EPB41: variants seen among roughly 807,000 people sequenced by gnomAD.
EPB41 encodes the protein erythrocyte membrane protein band 4.1, also known as protein 4.1.
EPB41 carries 65 observed loss-of-function variants against 108.0 expected under a neutral mutation model. The observed-to-expected ratio is 0.60, with a 90% CI of 0.49 to 0.74. The LOEUF is 0.74. EPB41 is among the 30% of genes least tolerant of loss of function. The pLI, the probability that EPB41 is intolerant of heterozygous loss-of-function variation, is 0.00. For synonymous variants in EPB41, 336 were observed against 358.9 expected (o/e 0.94, Z 0.72); for missense variants, 875 against 1,037.0 (o/e 0.84, Z 2.15).
At chr1:28,981,615 C>G (rs778324406) in intron 1 of EPB41, among the ~76,000 whole-genome samples, 7 of 152,154 alleles carry the variant, frequency 4.6e-5, no homozygotes, top group Non-Finnish European at 8.8e-5. Flanking sequence ...TTATTTTTTA[C>G]AATATGCTGT....
At chr1:28,981,372 A>G (rs1408782379) in intron 1 of EPB41, among the ~76,000 whole-genome samples, 1 of 150,888 alleles carries the variant, frequency 6.6e-6, no homozygotes, top group Non-Finnish European at 1.5e-5. Flanking sequence ...AGCACCATGT[A>G]TAAAATGAAT....
rs1246915775 is a variant in EPB41, at chr1:28,982,680, TTG to T, written c.-7-4749_-7-4748del. On this transcript the variant is annotated intron_variant, in intron 1 of 20. Transcript: ENST00000343067. ...TTTTTGATTGATCTTAAGACTTAGG[TTG>T]TTTGTCGTGGTATTTCAGATGACTG... is the stretch of plus-strand genomic sequence containing the variant. The T allele has an allele frequency of 4.2e-6, 3 of 706,318 alleles. No individual in the cohort carries two copies. In the East Asian group the frequency reaches 8.0e-5, roughly 19 times the overall value. The allele number at this position is 706,318 out of a possible 1,614,324, so 43.8% of individuals were successfully genotyped here.
chr1:28,983,316 A>G (rs1173278340), intron 1 of EPB41, among the ~76,000 whole-genome samples: 1 of 152,206 alleles, frequency 6.6e-6, no homozygotes, highest in Non-Finnish European at 1.5e-5. Flanking sequence ...TGCTCTTCAT[A>G]TTCCACTTGC....
chr1:28,997,384 G>A (rs894951783), intron 4 of EPB41, 65 bp downstream of exon 4: 7 of 986,082 alleles, frequency 7.1e-6, no homozygotes, highest in Non-Finnish European at 1.1e-5. Context: ...TTGTTGTTAA[G>A]AATGTATCTA....
chr1:29,049,565 G>A (rs1396856363), intron 11 of EPB41, among the ~76,000 whole-genome samples: 1 of 152,120 alleles, frequency 6.6e-6, no homozygotes, highest in African/African-American at 2.4e-5. Flanking sequence ...TGTATCAGAG[G>A]ACACAAATGA....
intron 1 of EPB41, among the ~76,000 whole-genome samples, chr1:28,939,370 G>GT (rs1305227283): frequency 6.6e-6 from 1 of 151,964 alleles, no homozygotes; most frequent in South Asian, 2.1e-4. Context: ...GTATGTAATT[G>GT]TTTTTTATAG....
intron 4 of EPB41, among the ~76,000 whole-genome samples, chr1:28,997,743 T>C (rs1056285495): frequency 6.6e-6 from 1 of 151,990 alleles, no homozygotes; most frequent in African/African-American, 2.4e-5. Flanking sequence ...TATATAATTA[T>C]AATTTGAAAG....
At chr1:28,977,113 A>G (rs1454320629) in intron 1 of EPB41, among the ~76,000 whole-genome samples, 1 of 152,156 alleles carries the variant, frequency 6.6e-6, no homozygotes, top group Non-Finnish European at 1.5e-5. Flanking sequence ...TTGGCCTCCC[A>G]AAGTGCTGGG....
chr1:28,981,686 T>C (rs1369572817), intron 1 of EPB41, among the ~76,000 whole-genome samples: 1 of 152,134 alleles, frequency 6.6e-6, no homozygotes, highest in Admixed American at 6.5e-5. Flanking sequence ...GTCAAGACTT[T>C]TAGAGAGTTC....
chr1:28,890,072 C>T (rs1255603873), intron 1 of EPB41, among the ~76,000 whole-genome samples: 1 of 151,918 alleles, frequency 6.6e-6, no homozygotes, highest in African/African-American at 2.4e-5. Context: ...GAGTCTCACT[C>T]TGTTGCCCAG....
intron 1 of EPB41, among the ~76,000 whole-genome samples, chr1:28,964,473 C>T (rs1419785515): frequency 4.6e-5 from 7 of 150,840 alleles, no homozygotes; most frequent in Non-Finnish European, 8.9e-5. Context: ...TGGTGGTGCA[C>T]GCTTGTAGTT....
intron 4 of EPB41, among the ~76,000 whole-genome samples, chr1:29,006,761 G>C (rs2096410789): frequency 1.3e-5 from 2 of 151,922 alleles, no homozygotes. Context: ...TTAGCCAGGT[G>C]TGGTGGTGAG....
At chr1:29,077,287 C>G (rs1287002966) in intron 16 of EPB41, among the ~76,000 whole-genome samples, 1 of 151,924 alleles carries the variant, frequency 6.6e-6, no homozygotes, top group African/African-American at 2.4e-5. Context: ...AAGCTCTTAT[C>G]CAGCTGGCCT....
chr1:28,887,357 C>T lies in EPB41; in HGVS notation c.-8+147C>T. 8.7e-7 allele frequency: 1 copy of T among 1,145,264 alleles called. No individual in the cohort carries two copies. The highest frequency in any genetic ancestry group is 1.1e-6 in the Non-Finnish European group (1 of 919,688). The allele number at this position is 1,145,264 out of a possible 1,614,324, so 70.9% of individuals were successfully genotyped here. On this transcript the variant is annotated intron_variant, in intron 1 of 16. Coordinates refer to the EPB41 transcript ENST00000347529. The surrounding 1 kb of genome is among the most constrained non-coding windows in gnomAD (Gnocchi z 4.9). ...CCAGGGCTGAGGGGTCCAGCGGTCC[C>T]GAATTCCAGAATCCGAACTTGGGGT...
chr1:29,015,750 A>T lies in EPB41; in HGVS notation c.888A>T (p.Leu296Phe), dbSNP rs764604472. 1.9e-6 allele frequency: 3 copies of T among 1,600,982 alleles called. No homozygotes were observed. Among genetic ancestry groups the T allele is most frequent in the Non-Finnish European group, 2.6e-6 (3 of 1,168,730 alleles). The change falls in exon 6 of 21, where the codon TTA becomes TTT. Residue 296 changes from leucine to phenylalanine, a missense_variant. Leu to Phe is a conservative substitution (Grantham distance 22). Transcript: ENST00000343067. ...VKFYPPDPAQ[L>F]TEDITRYYLC... ...TTTATCCACCTGACCCAGCACAGTT[A>T]ACAGAAGACATAACAAGGTAAATAA...
At chr1:29,107,237 C>G (rs1272703535) in intron 17 of EPB41, among the ~76,000 whole-genome samples, 1 of 151,972 alleles carries the variant, frequency 6.6e-6, no homozygotes, top group African/African-American at 2.4e-5. Context: ...AAAACTAAAG[C>G]TCAGAGAAGT....
rs1050981341 is a variant in EPB41, at chr1:28,982,556, A to C, written c.-7-4875A>C. ...TTCACGATGACGGCTTTGCATCCAG[A>C]GTAGCGTCCAGCCAGGACAAGCACC... On this transcript the variant is annotated intron_variant, in intron 1 of 20. Transcript: ENST00000343067. 132 of 1,471,946 alleles carry C rather than the reference A, an allele frequency of 9.0e-5. No individual in the cohort carries two copies. In the Admixed American group the frequency reaches 2.2e-3, roughly 25 times the overall value. 91.2% of individuals were successfully genotyped at this position (1,471,946 alleles called of 1,614,324 possible). A position where few individuals can be genotyped will look rare whatever the true frequency, so the allele number is the denominator to read the frequency against.
At chr1:28,920,039 G>A (rs2092963472) in intron 1 of EPB41, among the ~76,000 whole-genome samples, 1 of 152,006 alleles carries the variant, frequency 6.6e-6, no homozygotes, top group Non-Finnish European at 1.5e-5. Context: ...GATTAAAATT[G>A]TTTCTAAGCT....
At chr1:28,933,488 T>A (rs1307737684) in intron 1 of EPB41, among the ~76,000 whole-genome samples, 1 of 152,184 alleles carries the variant, frequency 6.6e-6, no homozygotes, top group African/African-American at 2.4e-5. Context: ...CTATTGTGGT[T>A]AGGGTAGTGG....
Sources: gnomAD v4.1 joint callset for allele counts (sites outside exome capture counted in the v4.1 genomes callset) on GRCh38, gnomAD v4.1.1 for gene constraint, Gnocchi (gnomAD v3.1) non-coding constraint, MANE v1.5 for transcripts, NCBI Gene and HGNC (gene_info 2026-07-23, HGNC 2026-07-21) for gene names.